The following ELF3 variants were observed in gnomAD, a reference collection of about 807,000 sequenced individuals.
ELF3 encodes ETS-related transcription factor Elf-3.
ELF3 carries 18 observed loss-of-function variants against 43.9 expected under a neutral mutation model. The ratio of observed to expected loss-of-function variants is 0.41; its 90% CI spans 0.28 to 0.61. The LOEUF (loss-of-function observed/expected upper bound fraction) is 0.61, where lower values mean the gene tolerates loss of function less well. Ranked by LOEUF, ELF3 falls within the 20% of genes least tolerant of loss-of-function variation. The pLI is 0.30. For missense variants in ELF3, 373 were observed against 487.7 expected (o/e 0.76, Z 2.21); for synonymous variants, 181 against 190.2 (o/e 0.95, Z 0.40).
At chr1:202,011,607 C>CA (rs1684197620) in intron 2 of ELF3, 1 of 463,600 alleles carries the variant, frequency 2.2e-6, no homozygotes. Flanking sequence ...AGTGGTGGCT[C>CA]ACGCCTGTAA....
chr1:202,012,263 G>T lies in ELF3; in HGVS notation c.386-81G>T. 1 of 1,604,162 alleles carries T rather than the reference G, an allele frequency of 6.2e-7. No homozygotes were observed. The highest frequency in any genetic ancestry group is 8.5e-7 in the Non-Finnish European group (1 of 1,173,324). On this transcript the variant is annotated intron_variant, in intron 3 of 8. Transcript: ENST00000367284. This position sits in a 1 kb window ranked among gnomAD's most constrained non-coding sequence, Gnocchi z 4.2. ...AGTGTGGCCGTAGGCAGGCCCTGGAGCTCTGGGCCAGCTGCACAGCCAGAG... is the reference window on the plus strand; with the variant it reads ...AGTGTGGCCGTAGGCAGGCCCTGGATCTCTGGGCCAGCTGCACAGCCAGAG...
At chr1:202,014,826 T>C in intron 8 of ELF3, 1 of 190,636 alleles carries the variant, frequency 5.2e-6, no homozygotes, top group East Asian at 1.2e-4. Flanking sequence ...TAGGCTGGTC[T>C]CGAACTCCTG....
chr1:202,015,371 G>A lies in ELF3; in HGVS notation c.*48G>A, dbSNP rs2102995116. Reference sequence around the variant, plus strand: ...CAAACTCACGGACCACTCGAGGCCTGCAAACCTTCCTGGGAGGACAGGCAG... The same window carrying A: ...CAAACTCACGGACCACTCGAGGCCTACAAACCTTCCTGGGAGGACAGGCAG... On this transcript the variant is annotated 3_prime_UTR_variant, in exon 9 of 9. Transcript: ENST00000367284. 3.8e-6 allele frequency: 6 copies of A among 1,591,206 alleles called. No individual in the cohort carries two copies. Among genetic ancestry groups the A allele is most frequent in the Non-Finnish European group, 5.2e-6 (6 of 1,163,540 alleles).
At position 202,012,512 on chromosome 1, in the gene ELF3, AC is replaced by A. The variant is rs1684226285; in HGVS notation, c.478+81del. The A allele has an allele frequency of 6.4e-7, 1 of 1,571,688 alleles. No homozygotes were observed. Among genetic ancestry groups the A allele is most frequent in the South Asian group, 1.2e-5 (1 of 85,278 alleles). On this transcript the variant is annotated intron_variant, in intron 4 of 8. Coordinates refer to ENST00000367284, the MANE Select transcript of ELF3 (RefSeq NM_004433.5). This position sits in a 1 kb window ranked among gnomAD's most constrained non-coding sequence, Gnocchi z 4.2. ...GCCCCTCCACAGAGTGCTAGAGATG[AC>A]CCCCTCCCCAGACTTCTTCCTCCCT...
rs1684256516 is a variant in ELF3 at position 202,013,640 on chromosome 1, G to C, written c.806-189G>C. 3.0e-6 allele frequency: 2 copies of C among 666,522 alleles called. No individual in the cohort carries two copies. The highest frequency in any genetic ancestry group is 5.1e-6 in the Non-Finnish European group (2 of 390,484). The allele number at this position is 666,522 out of a possible 1,614,324, so 41.3% of individuals were successfully genotyped here. ...ACACCCTCAATGTGAGGAGGCAGCT[G>C]GTGGGTCTTAGGTGGGCTGAGGAGA... On this transcript the variant is annotated intron_variant, in intron 7 of 8. Transcript: ENST00000367284. The surrounding 1 kb of genome is among the most constrained non-coding windows in gnomAD (Gnocchi z 5.7).
In ELF3 at chr1:202,015,291, A is replaced by G. The variant is rs2102995016; in HGVS notation, c.1084A>G (p.Lys362Glu). The G allele has an allele frequency of 6.2e-7, 1 of 1,614,096 alleles. No individual in the cohort carries two copies. The highest frequency in any genetic ancestry group is 8.5e-7 in the Non-Finnish European group (1 of 1,180,004). ...YKFGKNSSGW[K>E]EEEVLQSRN is the part of the protein sequence containing the mutation. ...GTTTGGCAAAAACTCAAGCGGCTGG[A>G]AGGAGGAAGAGGTTCTCCAGAGTCG... Residue 362 changes from lysine (K) to glutamate (E), a missense_variant, in exon 9 of 9, where the codon AAG (lysine) becomes GAG (glutamate). Physicochemically the swap from Lys to Glu is moderately conservative, Grantham distance 56. Around this residue, in one of 3 missense-constraint regions of ELF3, gnomAD observed 61 missense variants for 115.9 expected, o/e 0.53. Coordinates refer to ENST00000367284, the MANE Select transcript of ELF3 (RefSeq NM_004433.5).
rs115795685 is a variant in ELF3, at chr1:202,014,034, C to T, written c.1001+10C>T. 110 of 1,600,222 alleles carry T rather than the reference C, an allele frequency of 6.9e-5. No homozygotes were observed. The highest frequency in any genetic ancestry group is 6.7e-4 in the African/African-American group (50 of 74,744). ...TGAGCCGGGCCATGAGGTGAGCTGG[C>T]GGCCAGGACCCTCACGATACAGCCG... On this transcript the variant is annotated intron_variant, in intron 8 of 8. Transcript: ENST00000367284.
In ELF3 at chr1:202,013,402, C is replaced by T. The variant is rs1005507741; in HGVS notation, c.805+104C>T. 2.2e-5 allele frequency: 26 copies of T among 1,181,730 alleles called. No individual in the cohort carries two copies. The highest frequency in any genetic ancestry group is 7.6e-5 in the African/African-American group (5 of 65,976). 73.2% of individuals were successfully genotyped at this position (1,181,730 alleles called of 1,614,324 possible). A position where few individuals can be genotyped will look rare whatever the true frequency, so the allele number is the denominator to read the frequency against. On this transcript the variant is annotated intron_variant, in intron 7 of 8. Coordinates refer to ENST00000367284, the MANE Select transcript of ELF3 (RefSeq NM_004433.5). This position sits in a 1 kb window ranked among gnomAD's most constrained non-coding sequence, Gnocchi z 5.7. ...CCCTTCTCCCGTTTTCTCTGGCCTC[C>T]GCATGGCCTTTGGTAAGGCTGTGCA...
At position 202,013,411 on chromosome 1, in the gene ELF3, T is replaced by G; in HGVS notation, c.805+113T>G. 9.2e-7 allele frequency: 1 copy of G among 1,086,620 alleles called. No individual in the cohort carries two copies. The highest frequency in any genetic ancestry group is 1.4e-6 in the Non-Finnish European group (1 of 732,946). The allele number at this position is 1,086,620 out of a possible 1,614,324, so 67.3% of individuals were successfully genotyped here. ...CGTTTTCTCTGGCCTCCGCATGGCC[T>G]TTGGTAAGGCTGTGCACAAGCTGGG... On this transcript the variant is annotated intron_variant, in intron 7 of 8. Coordinates refer to ENST00000367284, the MANE Select transcript of ELF3 (RefSeq NM_004433.5). This position sits in a 1 kb window ranked among gnomAD's most constrained non-coding sequence, Gnocchi z 5.7.
rs766561608 is a variant in ELF3, at chr1:202,013,226, C to T, written c.733C>T (p.Arg245Trp). 5 of 1,614,100 alleles carry T rather than the reference C, an allele frequency of 3.1e-6. No individual in the cohort carries two copies. The highest frequency in any genetic ancestry group is 2.2e-5 in the East Asian group (1 of 44,876). ...CKKGDPKHGKRKRGRPRKLSK... is the reference protein window; with the variant it reads ...CKKGDPKHGKWKRGRPRKLSK... ...GAAGGGGGATCCCAAGCACGGGAAG[C>T]GGAAACGAGGCCGGCCCCGAAAGCT... The change falls in exon 7 of 9, where the codon CGG (arginine) becomes TGG (tryptophan). Residue 245 changes from arginine (R) to tryptophan (W), a missense_variant. Physicochemically the swap from Arg to Trp is moderately radical, Grantham distance 101. Transcript: ENST00000367284. This position sits in a 1 kb window ranked among gnomAD's most constrained non-coding sequence, Gnocchi z 5.7.
chr1:202,013,241 C>A lies in ELF3; in HGVS notation c.748C>A (p.Pro250Thr). 1.2e-6 allele frequency: 2 copies of A among 1,614,184 alleles called. No homozygotes were observed. The highest frequency in any genetic ancestry group is 1.3e-5 in the African/African-American group (1 of 75,042). ...PKHGKRKRGRPRKLSKEYWDC... is the reference protein window; with the variant it reads ...PKHGKRKRGRTRKLSKEYWDC... ...GCACGGGAAGCGGAAACGAGGCCGG[C>A]CCCGAAAGCTGAGCAAAGAGTACTG... The change falls in exon 7 of 9, where the codon CCC (proline) becomes ACC (threonine). Residue 250 changes from proline to threonine, a missense_variant. This residue lies in a region of ELF3 where 311 missense variants were observed against 351.2 expected (regional missense o/e 0.89). Transcript: ENST00000367284. The surrounding 1 kb of genome is among the most constrained non-coding windows in gnomAD (Gnocchi z 5.7).
intron 8 of ELF3, 97 bp downstream of exon 8, chr1:202,014,121 C>T: frequency 7.1e-7 from 1 of 1,403,838 alleles, no homozygotes; most frequent in Non-Finnish European, 9.6e-7. Context: ...TGGCTTCTTG[C>T]AACAGGGCTG....
rs1176833301 is a variant in ELF3 at position 202,013,205 on chromosome 1, G to T, written c.712G>T (p.Gly238Trp). ...PSDGFRDCKK[G>W]DPKHGKRKRG... ...AGATGGTTTTCGTGACTGCAAGAAG[G>T]GGGATCCCAAGCACGGGAAGCGGAA... Residue 238 changes from glycine to tryptophan, a missense_variant, in exon 7 of 9, where the codon GGG becomes TGG. Gly to Trp is a radical substitution (Grantham distance 184, BLOSUM62 -2). Transcript: ENST00000367284. The surrounding 1 kb of genome is among the most constrained non-coding windows in gnomAD (Gnocchi z 5.7). 6.2e-6 allele frequency: 10 copies of T among 1,614,140 alleles called. No homozygotes were observed. In the South Asian group the frequency reaches 1.1e-4, roughly 18 times the overall value.
chr1:202,012,817 G>C lies in ELF3; in HGVS notation c.598+58G>C. ...CCCCGAAGTGTCCCTTGTTCCCTCT[G>C]GCTCCCAGCACCATAACTCAGGCCT... On this transcript the variant is annotated intron_variant, in intron 5 of 8. Transcript: ENST00000367284. The surrounding 1 kb of genome is among the most constrained non-coding windows in gnomAD (Gnocchi z 4.2). 1 of 1,536,888 alleles carries C rather than the reference G, an allele frequency of 6.5e-7. No homozygotes were observed. The highest frequency in any genetic ancestry group is 1.3e-5 in the South Asian group (1 of 78,688).
chr1:202,012,142 C>T lies in ELF3; in HGVS notation c.349C>T (p.Leu117=). ...LEELRLVFGP[L]GDQLHAQLRD... ...GGAGCTGCGTCTGGTCTTTGGGCCTCTGGGGGACCAACTCCATGCCCAGCT... is the reference window on the plus strand; with the variant it reads ...GGAGCTGCGTCTGGTCTTTGGGCCTTTGGGGGACCAACTCCATGCCCAGCT... The change falls in exon 3 of 9, where the codon CTG becomes TTG. Residue 117 remains leucine, a synonymous_variant. Transcript: ENST00000367284. The surrounding 1 kb of genome is among the most constrained non-coding windows in gnomAD (Gnocchi z 4.2). 1.9e-6 allele frequency: 3 copies of T among 1,613,812 alleles called. No homozygotes were observed. Among genetic ancestry groups the T allele is most frequent in the Non-Finnish European group, 2.5e-6 (3 of 1,180,032 alleles).
Position 202,013,801 on chromosome 1 carries a change from G to A in ELF3, c.806-28G>A. 1.3e-6 allele frequency: 2 copies of A among 1,593,252 alleles called. No homozygotes were observed. The highest frequency in any genetic ancestry group is 8.6e-7 in the Non-Finnish European group (1 of 1,166,438). ...CTTGGGTGAGAGGGGACACCTGGAT[G>A]GCAAACTGATGGAGGCTGGCCTTGC... On this transcript the variant is annotated intron_variant, in intron 7 of 8. Coordinates refer to ENST00000367284, the MANE Select transcript of ELF3 (RefSeq NM_004433.5). The surrounding 1 kb of genome is among the most constrained non-coding windows in gnomAD (Gnocchi z 5.7).
In ELF3 at chr1:202,013,717, G is replaced by A; in HGVS notation, c.806-112G>A. ...GAGGGCACTGCGGGGTCTCTGGAGA[G>A]GCTTGCTGCATGCTGTGGCCAAGTC... On this transcript the variant is annotated intron_variant, in intron 7 of 8. Coordinates refer to ENST00000367284, the MANE Select transcript of ELF3 (RefSeq NM_004433.5). This position sits in a 1 kb window ranked among gnomAD's most constrained non-coding sequence, Gnocchi z 5.7. 1 of 1,222,466 alleles carries A rather than the reference G, an allele frequency of 8.2e-7. No individual in the cohort carries two copies. The highest frequency in any genetic ancestry group is 1.1e-6 in the Non-Finnish European group (1 of 882,730). 75.7% of individuals were successfully genotyped at this position (1,222,466 alleles called of 1,614,324 possible).
intron 8 of ELF3, chr1:202,014,935 A>C (rs1684283305): frequency 2.7e-6 from 1 of 369,324 alleles, no homozygotes; most frequent in Non-Finnish European, 5.1e-6. Context: ...ATGTAATTTA[A>C]TGATCAGACC....
At position 202,015,419 on chromosome 1, in the gene ELF3, G is replaced by T. The variant is rs1483975476; in HGVS notation, c.*96G>T. On this transcript the variant is annotated 3_prime_UTR_variant, in exon 9 of 9. Transcript: ENST00000367284. ...CAGGCCAGATGGCCCCTCCACTGGGGAATGCTCCCAGCTGTGCTGTGGAGA... is the reference window on the plus strand; with the variant it reads ...CAGGCCAGATGGCCCCTCCACTGGGTAATGCTCCCAGCTGTGCTGTGGAGA... 1 of 1,174,126 alleles carries T rather than the reference G, an allele frequency of 8.5e-7. No homozygotes were observed. Among genetic ancestry groups the T allele is most frequent in the Non-Finnish European group, 1.2e-6 (1 of 807,312 alleles). The allele number at this position is 1,174,126 out of a possible 1,614,324, so 72.7% of individuals were successfully genotyped here. A position where few individuals can be genotyped will look rare whatever the true frequency, so the allele number is the denominator to read the frequency against.
Sources: gnomAD v4.1 joint callset for allele counts on GRCh38, gnomAD v4.1.1 for gene constraint, gnomAD v4.1.1 regional missense constraint, Gnocchi (gnomAD v3.1) non-coding constraint, MANE v1.5 for transcripts, NCBI Gene and HGNC (gene_info 2026-07-23, HGNC 2026-07-21) for gene names.